The following DNAJA1 variants were observed in gnomAD, a reference collection of about 807,000 sequenced individuals.
The protein encoded by DNAJA1 is dnaJ homolog subfamily A member 1.
In DNAJA1, 26 loss-of-function variants were observed where a neutral mutation model predicts 47.6. The ratio of observed to expected loss-of-function variants is 0.55; its 90% CI spans 0.40 to 0.76. DNAJA1 has a LOEUF of 0.76. Among genes scored for constraint, DNAJA1 ranks in the 30% least tolerant of loss-of-function variants. The pLI is 0.00. For missense variants in DNAJA1, 315 were observed against 485.0 expected (o/e 0.65, Z 3.29); for synonymous variants, 165 against 158.4 (o/e 1.04, Z -0.31).
chr9:33,025,778 G>C (rs1304309206), intron 1 of DNAJA1, among the ~76,000 whole-genome samples: 1 of 151,972 alleles, frequency 6.6e-6, no homozygotes, highest in Non-Finnish European at 1.5e-5. Context: ...GAGCCGGGCG[G>C]AGACTGCGGC....
Position 33,038,827 on chromosome 9 carries a change from G to T in DNAJA1, c.1118G>T (p.Arg373Leu). Residue 373 changes from arginine to leucine, a missense_variant, in exon 9 of 9, where the codon CGG (arginine) becomes CTG (leucine). Coordinates refer to ENST00000330899, the MANE Select transcript of DNAJA1 (RefSeq NM_001539.4). Reference protein sequence around the residue: ...LVDFDPNQERRRHYNGEAYED... With the variant: ...LVDFDPNQERLRHYNGEAYED... ...GACTTTGATCCAAATCAGGAAAGAC[G>T]GCGCCACTACAATGGAGAAGCATAT... is the stretch of plus-strand genomic sequence containing the variant. The T allele has an allele frequency of 1.2e-6, 2 of 1,614,026 alleles. No individual in the cohort carries two copies. Among genetic ancestry groups the T allele is most frequent in the Non-Finnish European group, 1.7e-6 (2 of 1,180,016 alleles).
intron 7 of DNAJA1, 118 bp downstream of exon 7, chr9:33,036,807 C>A: frequency 1.2e-6 from 1 of 827,042 alleles, no homozygotes; most frequent in Non-Finnish European, 1.9e-6. Flanking sequence ...TTCTCGGTTA[C>A]ATATCCTTCT....
chr9:33,025,722 A>T (rs1310663744), intron 1 of DNAJA1, among the ~76,000 whole-genome samples: 1 of 150,796 alleles, frequency 6.6e-6, no homozygotes, highest in Non-Finnish European at 1.5e-5. Context: ...GGGGTTGGCG[A>T]CCCTGCGCAC....
At chr9:33,036,945 G>T in intron 7 of DNAJA1, 70 bp from the exon 8 acceptor site, 1 of 1,394,596 alleles carries the variant, frequency 7.2e-7, no homozygotes, top group South Asian at 1.3e-5. Context: ...ACAGTGCTCT[G>T]TTCTTTATAT....
In DNAJA1 at chr9:33,037,003, C is replaced by A. The variant is rs769924236; in HGVS notation, c.875-12C>A. On this transcript the variant is annotated splice_polypyrimidine_tract_variant and intron_variant, in intron 7 of 8. Transcript: ENST00000330899. The stretch of plus-strand genomic sequence containing the variant: ...CCATACTTAAGGAAGAACTTGGCTT[C>A]AATGTTTTTAGGTCAGATTGTCAAG... 6.2e-7 allele frequency: 1 copy of A among 1,602,622 alleles called. No homozygotes were observed. Among genetic ancestry groups the A allele is most frequent in the East Asian group, 2.2e-5 (1 of 44,780 alleles).
intron 8 of DNAJA1, 68 bp downstream of exon 8, chr9:33,037,183 A>C (rs997410831): frequency 2.8e-6 from 4 of 1,438,070 alleles, no homozygotes; most frequent in Non-Finnish European, 2.9e-6. Context: ...AAAAAAGTAA[A>C]ATTTCAGCCA....
At chr9:33,037,172 T>TA (rs761729873) in intron 8 of DNAJA1, 57 bp downstream of exon 8, 5 of 1,517,848 alleles carry the variant, frequency 3.3e-6, no homozygotes, top group African/African-American at 2.8e-5. Context: ...TAAAATCTGA[T>TA]AAAAAAGTAA....
rs376816055 is a variant in DNAJA1 at position 33,031,534 on chromosome 9, C to T, written c.643+867C>T. ...CTAACCTCTGCCTCCTGGGTTCAAG[C>T]GATTCTCCTGCCCCAGCTTCCCAGG... On this transcript the variant is annotated intron_variant, in intron 5 of 8. Coordinates refer to ENST00000330899, the MANE Select transcript of DNAJA1 (RefSeq NM_001539.4). 1.3e-4 allele frequency among the ~76,000 whole-genome samples: 20 copies of T among 152,190 alleles called. 2 individuals are homozygous for T. The South Asian group carries it at 3.5e-3, about 27-fold the overall frequency.
intron 7 of DNAJA1, 49 bp downstream of exon 7, chr9:33,036,738 T>C (rs1839041526): frequency 1.4e-6 from 2 of 1,381,104 alleles, no homozygotes; most frequent in Non-Finnish European, 2.0e-6. Flanking sequence ...TCTAGTATTT[T>C]CCTTGTCTCC....
At chr9:33,031,509 C>T (rs1439224498) in intron 5 of DNAJA1, among the ~76,000 whole-genome samples, 2 of 151,958 alleles carry the variant, frequency 1.3e-5, no homozygotes, top group African/African-American at 2.4e-5. Flanking sequence ...TTGGCTCACT[C>T]TAACCTCTGC....
In DNAJA1 at chr9:33,038,783, G is replaced by A; in HGVS notation, c.1074G>A (p.Met358Ile). Residue 358 changes from methionine (M) to isoleucine (I), a missense_variant, in exon 9 of 9, where the codon ATG becomes ATA. By Grantham distance (10) the Met-to-Ile change is conservative. Coordinates refer to ENST00000330899, the MANE Select transcript of DNAJA1 (RefSeq NM_001539.4). ...AGGAAGTGGAAGAGACTGATGAGAT[G>A]GACCAAGTAGAACTGGTGGACTTTG... is the stretch of plus-strand genomic sequence containing the variant. ...ERKEVEETDE[M>I]DQVELVDFDP... The A allele has an allele frequency of 6.2e-7, 1 of 1,614,078 alleles. No homozygotes were observed. Among genetic ancestry groups the A allele is most frequent in the Non-Finnish European group, 8.5e-7 (1 of 1,180,012 alleles).
chr9:33,035,691 ACT>A lies in DNAJA1; in HGVS notation c.759-881_759-880del, dbSNP rs10568034. ...ACCATGTTGGCCAGGCTGGTATCGA[ACT>A]CCTGACCTTAGGCAATCCACCTGCC... On this transcript the variant is annotated intron_variant, in intron 6 of 8. Coordinates refer to ENST00000330899, the MANE Select transcript of DNAJA1 (RefSeq NM_001539.4). Among the ~76,000 whole-genome samples the A allele has an allele frequency of 4.9e-3, 738 of 151,776 alleles. 7 individuals are homozygous for A. Among genetic ancestry groups the A allele is most frequent in the African/African-American group, 0.017 (714 of 41,342 alleles).
intron 4 of DNAJA1, 43 bp from the exon 5 acceptor site, chr9:33,030,397 C>T: frequency 1.3e-6 from 2 of 1,548,524 alleles, no homozygotes; most frequent in Non-Finnish European, 8.8e-7. Flanking sequence ...CTACTGTATA[C>T]ACTACTAATT....
In DNAJA1 at chr9:33,034,296, G is replaced by A. The variant is rs759971242; in HGVS notation, c.724G>A (p.Val242Met). The change falls in exon 6 of 9, where the codon GTG (valine) becomes ATG (methionine). Residue 242 changes from valine to methionine, a missense_variant. Around this residue, in one of 4 missense-constraint regions of DNAJA1, gnomAD observed 45 missense variants for 93.3 expected, o/e 0.48. Transcript: ENST00000330899. The stretch of plus-strand genomic sequence containing the variant: ...ACTGGAGCCAGGCGATATTATCATT[G>A]TGTTAGATCAGAAGGACCATGCTGT... ...PGLEPGDIII[V>M]LDQKDHAVFT... 5 of 1,610,426 alleles carry A rather than the reference G, an allele frequency of 3.1e-6. No homozygotes were observed. Among genetic ancestry groups the A allele is most frequent in the Non-Finnish European group, 1.7e-6 (2 of 1,178,962 alleles).
intron 5 of DNAJA1, among the ~76,000 whole-genome samples, chr9:33,032,145 T>A (rs918707424): frequency 6.6e-6 from 1 of 152,254 alleles, no homozygotes; most frequent in African/African-American, 2.4e-5. Context: ...TTTGAACATA[T>A]TTCCATATTA....
intron 8 of DNAJA1, among the ~76,000 whole-genome samples, chr9:33,037,836 T>C (rs1485738055): frequency 6.6e-6 from 1 of 152,168 alleles, no homozygotes; most frequent in Non-Finnish European, 1.5e-5. Flanking sequence ...ATTTTACTAA[T>C]GAAAGGTTGT....
rs377221320 is a variant in DNAJA1 at position 33,026,845 on chromosome 9, C to T, written c.165C>T (p.Leu55=). 4 of 1,613,902 alleles carry T rather than the reference C, an allele frequency of 2.5e-6. No homozygotes were observed. The highest frequency in any genetic ancestry group is 2.7e-5 in the African/African-American group (2 of 74,878). Residue 55 remains leucine, a synonymous_variant, in exon 3 of 9, where the codon CTC becomes CTT. Transcript: ENST00000330899. ...FKQISQAYEV[L]SDAKKRELYD... ...AGATTTCTCAAGCTTACGAAGTTCTCTCTGATGCAAAGAAAAGGGAATTAT... is the reference window on the plus strand; with the variant it reads ...AGATTTCTCAAGCTTACGAAGTTCTTTCTGATGCAAAGAAAAGGGAATTAT...
intron 8 of DNAJA1, 129 bp from the exon 9 acceptor site, chr9:33,038,556 T>C: frequency 5.0e-6 from 4 of 800,814 alleles, no homozygotes; most frequent in East Asian, 2.7e-5. Flanking sequence ...GAGCCTGTTC[T>C]AACCTGAGAT....
chr9:33,032,569 T>C (rs1016435774), intron 5 of DNAJA1, among the ~76,000 whole-genome samples: 15 of 152,252 alleles, frequency 9.9e-5, no homozygotes, highest in Non-Finnish European at 2.1e-4. Context: ...CAATGGACTG[T>C]AAGTGAGAAC....
Sources: gnomAD v4.1 joint callset for allele counts (sites outside exome capture counted in the v4.1 genomes callset) on GRCh38, gnomAD v4.1.1 for gene constraint, gnomAD v4.1.1 regional missense constraint, MANE v1.5 for transcripts, NCBI Gene and HGNC (gene_info 2026-07-23, HGNC 2026-07-21) for gene names.